The following PAH variants were observed in gnomAD, a reference collection of about 807,000 sequenced individuals.
The protein encoded by PAH is phenylalanine-4-hydroxylase.
PAH carries 64 observed loss-of-function variants against 62.0 expected under a neutral mutation model. The observed-to-expected ratio is 1.03, with a 90% CI of 0.84 to 1.27. PAH has a LOEUF of 1.27. PAH is among the 50% of genes most tolerant of loss of function. The pLI is 0.00. For synonymous variants in PAH, 195 were observed against 196.2 expected (o/e 0.99, Z 0.05); for missense variants, 579 against 542.8 (o/e 1.07, Z -0.66).
rs74392296 is a variant in PAH at position 102,877,722 on chromosome 12, C to T, written c.353-172G>A. ...GTTAAACTCCATTTTCCTTAGAAAC[C>T]GGTTTTAAAACCCATTCCCAAATAC... is the stretch of plus-strand genomic sequence containing the variant. On this transcript the variant is annotated intron_variant, in intron 3 of 12. Transcript: ENST00000553106. Among the ~76,000 whole-genome samples the T allele has an allele frequency of 0.02, 2,970 of 152,292 alleles. 102 individuals are homozygous for T. The highest frequency in any genetic ancestry group is 0.066 in the African/African-American group (2,727 of 41,548).
At chr12:102,847,913 G>A (rs1442239931) in intron 8 of PAH, among the ~76,000 whole-genome samples, 1 of 152,196 alleles carries the variant, frequency 6.6e-6, no homozygotes, top group African/African-American at 2.4e-5. Flanking sequence ...CGTTGTTTGG[G>A]TCAAGACACA....
Position 102,838,177 on chromosome 12 carries a change from C to T in PAH, c.*998G>A, listed in dbSNP as rs1286656900. The T allele has an allele frequency of 1.3e-5, 2 of 152,162 alleles. No homozygotes were observed. Among genetic ancestry groups the T allele is most frequent in the African/African-American group, 2.4e-5 (1 of 41,436 alleles). 9.4% of individuals were successfully genotyped at this position (152,162 alleles called of 1,614,324 possible). A position where few individuals can be genotyped will look rare whatever the true frequency, so the allele number is the denominator to read the frequency against. On this transcript the variant is annotated 3_prime_UTR_variant, in exon 13 of 13. Transcript: ENST00000553106. ...AAGTCCGTTGACTGTCCAGGCATGA[C>T]TTTGAGTGTCACAAGGAGCCCCTGC...
At chr12:102,940,282 C>T (rs774321097) in intron 1 of PAH, among the ~76,000 whole-genome samples, 8 of 152,182 alleles carry the variant, frequency 5.3e-5, no homozygotes, top group Non-Finnish European at 1.2e-4. Flanking sequence ...CTTCTCATCT[C>T]CAAAAGACCA....
At chr12:102,931,063 G>A (rs1052185715) in intron 1 of PAH, among the ~76,000 whole-genome samples, 11 of 152,086 alleles carry the variant, frequency 7.2e-5, no homozygotes, top group African/African-American at 1.4e-4. Flanking sequence ...TTACTATAGC[G>A]GTTGATTAGA....
chr12:102,935,615 T>C (rs959305729), intron 1 of PAH, among the ~76,000 whole-genome samples: 1 of 152,124 alleles, frequency 6.6e-6, no homozygotes, highest in Non-Finnish European at 1.5e-5. Context: ...CATGGTTCAA[T>C]ATTGGTAGGT....
intron 5 of PAH, among the ~76,000 whole-genome samples, chr12:102,857,457 C>G (rs538778485): frequency 6.6e-6 from 1 of 152,154 alleles, no homozygotes; most frequent in Non-Finnish European, 1.5e-5. Context: ...CATTCAAATT[C>G]AGGAAATACA....
intron 1 of PAH, chr12:102,946,433 T>G (rs1879499566): frequency 1.3e-5 from 2 of 152,218 alleles, no homozygotes; most frequent in Non-Finnish European, 2.9e-5. Flanking sequence ...GAACTAAACT[T>G]TTGAACACTA....
intron 2 of PAH, chr12:102,904,779 A>C (rs1183400306): frequency 2.0e-6 from 1 of 510,028 alleles, no homozygotes; most frequent in African/African-American, 1.9e-5. Context: ...CATTTCATTC[A>C]CAAAGATGTT....
chr12:102,899,853 C>A (rs1300190215), intron 2 of PAH, among the ~76,000 whole-genome samples: 1 of 37,570 alleles, frequency 2.7e-5, no homozygotes, highest in Non-Finnish European at 3.9e-5. Flanking sequence ...AGCGAGACTC[C>A]GTCTCAAAAA....
At chr12:102,953,306 C>A (rs1161794430), upstream of PAH, 5 of 152,176 alleles carry the variant, frequency 3.3e-5, no homozygotes, top group Non-Finnish European at 7.3e-5. Flanking sequence ...AAAAATATAA[C>A]TTTATTAAAT....
At chr12:102,861,547 C>A (rs1461629516) in intron 5 of PAH, among the ~76,000 whole-genome samples, 1 of 152,142 alleles carries the variant, frequency 6.6e-6, no homozygotes, top group Non-Finnish European at 1.5e-5. Flanking sequence ...TTTATTGCAG[C>A]ACTATTCATA....
chr12:102,894,794 A>G lies in PAH; in HGVS notation c.293T>C (p.Leu98Ser), dbSNP rs62517167. The change falls in exon 3 of 13, where the codon TTG (leucine) becomes TCG (serine). Residue 98 changes from leucine (L) to serine (S), a missense_variant. Leu to Ser is a moderately radical substitution (Grantham distance 145). Transcript: ENST00000553106. ...LPALTNIIKI[L>S]RHDIGATVHE... ...GACAGTGGCACCAATGTCATGCCTC[A>G]AGATCTTGATGATGTTTGTCAGAGC... 9.3e-6 allele frequency: 15 copies of G among 1,614,014 alleles called. No individual in the cohort carries two copies. In the South Asian group the frequency reaches 1.6e-4, roughly 18 times the overall value.
intron 4 of PAH, chr12:102,877,255 T>C: frequency 1.6e-6 from 1 of 621,850 alleles, no homozygotes; most frequent in Non-Finnish European, 2.9e-6. Context: ...GTGATTTATA[T>C]TTGCTCCTAC....
At chr12:102,882,667 TATATATATAA>T (rs1220683475) in intron 3 of PAH, among the ~76,000 whole-genome samples, 4,861 of 47,886 alleles carry the variant, frequency 0.1, 309 homozygotes, top group African/African-American at 0.29. Context: ...TATATATATA[TATATATATAA>T]AATTTTTTTC....
upstream of PAH, chr12:102,958,391 C>CGA: frequency 2.8e-6 from 4 of 1,420,510 alleles, no homozygotes; most frequent in Non-Finnish European, 2.8e-6. Flanking sequence ...CAGCGCAGAG[C>CGA]GCGCAGCAGC....
intron 1 of PAH, among the ~76,000 whole-genome samples, chr12:102,934,632 C>T (rs975123504): frequency 4.6e-5 from 7 of 151,740 alleles, no homozygotes; most frequent in African/African-American, 1.7e-4. Context: ...TTGTAGAGAC[C>T]TTTCACTTCT....
chr12:102,921,137 C>T (rs1231681873), upstream of PAH, among the ~76,000 whole-genome samples: 3 of 152,160 alleles, frequency 2.0e-5, no homozygotes, highest in Non-Finnish European at 2.9e-5. Flanking sequence ...ACACACCAAC[C>T]AGCAGGCAAA....
intron 3 of PAH, among the ~76,000 whole-genome samples, chr12:102,877,975 G>A (rs1323457316): frequency 6.6e-6 from 1 of 151,980 alleles, no homozygotes; most frequent in African/African-American, 2.4e-5. Context: ...ACAGGTGCAC[G>A]CCATCATGCC....
chr12:102,894,796 G>A lies in PAH; in HGVS notation c.291C>T (p.Ile97=), dbSNP rs2136701670. 1.2e-6 allele frequency: 2 copies of A among 1,614,070 alleles called. No homozygotes were observed. Among genetic ancestry groups the A allele is most frequent in the Non-Finnish European group, 1.7e-6 (2 of 1,179,992 alleles). ...CAGTGGCACCAATGTCATGCCTCAA[G>A]ATCTTGATGATGTTTGTCAGAGCAG... ...SLPALTNIIK[I]LRHDIGATVH... Residue 97 remains isoleucine (I), a synonymous_variant, in exon 3 of 13, where the codon ATC becomes ATT. Transcript: ENST00000553106.
Sources: gnomAD v4.1 joint callset for allele counts (sites outside exome capture counted in the v4.1 genomes callset) on GRCh38, gnomAD v4.1.1 for gene constraint, MANE v1.5 for transcripts, NCBI Gene and HGNC (gene_info 2026-07-23, HGNC 2026-07-21) for gene names.